Variants in PTPRD observed in about 807,000 individuals in gnomAD.
PTPRD encodes receptor-type tyrosine-protein phosphatase delta.
PTPRD carries 34 observed loss-of-function variants against 214.5 expected under a neutral mutation model. The ratio of observed to expected loss-of-function variants is 0.16; its 90% confidence interval spans 0.12 to 0.21. PTPRD has a LOEUF of 0.21. Ranked by LOEUF, PTPRD falls within the 10% of genes least tolerant of loss-of-function variation. PTPRD has a pLI of 1.00. For missense variants in PTPRD, 2,545 were observed against 2,398.7 expected, an observed-to-expected ratio of 1.06 and a Z score of -1.27; for synonymous variants, 1,128 against 845.7, an observed-to-expected ratio of 1.33 and a Z score of -5.79.
chr9:8,976,948 A>G (rs2099271254), intron 11 of PTPRD, among the ~76,000 whole-genome samples: 1 of 151,952 alleles, frequency 6.6e-6, no homozygotes, highest in African/African-American at 2.4e-5. Flanking sequence ...CTACTTCTCC[A>G]TTTGTCTGTT....
intron 2 of PTPRD, among the ~76,000 whole-genome samples, chr9:10,441,823 G>T (rs993094445): frequency 2.6e-5 from 4 of 151,532 alleles, no homozygotes; most frequent in Non-Finnish European, 5.9e-5. Context: ...TATTCATTTA[G>T]TATGTAAGAG....
intron 3 of PTPRD, among the ~76,000 whole-genome samples, chr9:10,100,195 T>G (rs1458508621): frequency 2.0e-5 from 3 of 151,666 alleles, no homozygotes; most frequent in Non-Finnish European, 3.0e-5. Context: ...AGGAATGAGG[T>G]AGAAAAATGG....
Position 10,102,113 on chromosome 9 carries a change from A to G in PTPRD, c.-544-68323T>C, listed in dbSNP as rs115688254. Among the ~76,000 whole-genome samples, 1,066 of 151,836 alleles carry G rather than the reference A, an allele frequency of 7.0e-3. 10 individuals are homozygous for G. Among genetic ancestry groups the G allele is most frequent in the African/African-American group, 0.024 (998 of 41,496 alleles). On this transcript the variant is annotated intron_variant, in intron 3 of 45. Coordinates refer to ENST00000381196, the MANE Select transcript of PTPRD (RefSeq NM_002839.4). ...TAAATACAAATGCATATAATAACATATTTGAGAGCTTTTATAAATCGGTTG... is the reference window on the plus strand; with the variant it reads ...TAAATACAAATGCATATAATAACATGTTTGAGAGCTTTTATAAATCGGTTG...
At chr9:9,651,106 G>C (rs1045556955) in intron 7 of PTPRD, among the ~76,000 whole-genome samples, 1 of 151,974 alleles carries the variant, frequency 6.6e-6, no homozygotes, top group African/African-American at 2.4e-5. Flanking sequence ...TAATAACTGG[G>C]ATATCTCAGT....
At chr9:10,134,000 G>A (rs571774148) in intron 3 of PTPRD, among the ~76,000 whole-genome samples, 8 of 151,922 alleles carry the variant, frequency 5.3e-5, no homozygotes, top group Non-Finnish European at 1.2e-4. Flanking sequence ...TATGTAAAAT[G>A]GGAATATTTT....
At chr9:10,355,107 T>C (rs2154461316) in intron 2 of PTPRD, among the ~76,000 whole-genome samples, 1 of 152,328 alleles carries the variant, frequency 6.6e-6, no homozygotes, top group Middle Eastern at 3.4e-3. Flanking sequence ...TCTGGCAAAA[T>C]AGCTCAGTTA....
At chr9:10,268,268 C>G (rs944239961) in intron 3 of PTPRD, among the ~76,000 whole-genome samples, 15 of 148,928 alleles carry the variant, frequency 1.0e-4, no homozygotes, top group African/African-American at 3.5e-4. Context: ...CCAGCCTGGG[C>G]AGCAGAGCAA....
intron 7 of PTPRD, among the ~76,000 whole-genome samples, chr9:9,727,834 T>G (rs532208338): frequency 6.6e-6 from 1 of 152,294 alleles, no homozygotes; most frequent in African/African-American, 2.4e-5. Flanking sequence ...ACCTCTCAAG[T>G]TGGGTTGAAC....
At chr9:10,435,453 CT>C in intron 2 of PTPRD, among the ~76,000 whole-genome samples, 1 of 151,954 alleles carries the variant, frequency 6.6e-6, no homozygotes, top group Non-Finnish European at 1.5e-5. Flanking sequence ...TGCTCATGGT[CT>C]TATGAGTAAA....
chr9:8,345,562 G>A (rs1294821115), intron 39 of PTPRD, among the ~76,000 whole-genome samples: 1 of 151,992 alleles, frequency 6.6e-6, no homozygotes. Flanking sequence ...GGAAACATCA[G>A]ATACTCCCTT....
At chr9:9,844,505 C>A (rs183997723) in intron 5 of PTPRD, among the ~76,000 whole-genome samples, 2 of 151,986 alleles carry the variant, frequency 1.3e-5, no homozygotes, top group East Asian at 3.9e-4. Flanking sequence ...ATCCTAATAT[C>A]TGCCTGGGTG....
At chr9:10,064,775 A>C (rs1381421438) in intron 3 of PTPRD, among the ~76,000 whole-genome samples, 1 of 152,028 alleles carries the variant, frequency 6.6e-6, no homozygotes, top group Non-Finnish European at 1.5e-5. Context: ...CTTGTATAAA[A>C]AAAACTTGCA....
At chr9:8,958,005 G>C (rs1178569762) in intron 11 of PTPRD, among the ~76,000 whole-genome samples, 1 of 151,244 alleles carries the variant, frequency 6.6e-6, no homozygotes, top group Admixed American at 6.6e-5. Context: ...ACCTTAGCAG[G>C]GGAAGAACCA....
chr9:9,097,527 G>C (rs2154435775), intron 10 of PTPRD, among the ~76,000 whole-genome samples: 1 of 151,902 alleles, frequency 6.6e-6, no homozygotes, highest in East Asian at 1.9e-4. Flanking sequence ...TCCTTCCTCA[G>C]CCTCCCAAGC....
At chr9:9,208,974 AT>A (rs1346346706) in intron 9 of PTPRD, among the ~76,000 whole-genome samples, 16 of 151,944 alleles carry the variant, frequency 1.1e-4, no homozygotes, top group African/African-American at 3.4e-4. Context: ...TGCCTGGCTA[AT>A]TTTTTTGTGC....
chr9:8,984,321 G>C (rs1435855123), intron 11 of PTPRD, among the ~76,000 whole-genome samples: 2 of 151,918 alleles, frequency 1.3e-5, no homozygotes, highest in Non-Finnish European at 2.9e-5. Context: ...TAAGCGGAAA[G>C]GTAAAGAACA....
At chr9:9,489,220 T>C (rs10977821) in intron 8 of PTPRD, among the ~76,000 whole-genome samples, 33,404 of 152,078 alleles carry the variant, frequency 0.22, 4,137 homozygotes, top group Admixed American at 0.37. Flanking sequence ...CACCTGCAAC[T>C]GATCCTTGGA....
At chr9:9,661,351 T>A (rs1045106565) in intron 7 of PTPRD, among the ~76,000 whole-genome samples, 1 of 151,964 alleles carries the variant, frequency 6.6e-6, no homozygotes, top group African/African-American at 2.4e-5. Context: ...TATATTTTTT[T>A]AAATTGCTAA....
chr9:8,588,931 C>T (rs944279211), intron 14 of PTPRD, among the ~76,000 whole-genome samples: 2 of 151,918 alleles, frequency 1.3e-5, no homozygotes, highest in African/African-American at 2.4e-5. Flanking sequence ...GGCTTTCCAC[C>T]GAAGAGCCAA....
Sources: allele counts gnomAD v4.1 joint callset (sites outside exome capture counted in the v4.1 genomes callset), GRCh38; gene constraint gnomAD v4.1.1; transcripts MANE v1.5; gene names NCBI Gene and HGNC (gene_info 2026-07-23, HGNC 2026-07-21).